TFDP2: variants seen among roughly 807,000 people sequenced by gnomAD.
The protein encoded by TFDP2 is transcription factor Dp-2, also known as transcription factor Dp-2 (E2F dimerization partner 2).
Under a neutral mutation model 59.3 loss-of-function variants are expected in TFDP2, and 17 were observed. That is an observed-to-expected ratio of 0.29 (90% CI 0.20 to 0.43). TFDP2 has a LOEUF of 0.43. TFDP2 is among the 20% of genes least tolerant of loss of function. The pLI is 1.00. For synonymous variants in TFDP2, 180 were observed against 194.7 expected (o/e 0.92, Z 0.63); for missense variants, 391 against 528.8 (o/e 0.74, Z 2.56).
intron 10 of TFDP2, among the ~76,000 whole-genome samples, chr3:141,962,651 C>T (rs1342567524): frequency 1.3e-5 from 2 of 152,226 alleles, no homozygotes; most frequent in Admixed American, 1.3e-4. Context: ...TGAACCACCA[C>T]GCCTGGCTAA....
intron 3 of TFDP2, among the ~76,000 whole-genome samples, chr3:142,007,522 G>T (rs570525423): frequency 1.1e-4 from 17 of 152,344 alleles, no homozygotes; most frequent in Admixed American, 1.1e-3. Flanking sequence ...TTTTTCCACA[G>T]ACAGGGGTGA....
chr3:142,135,502 C>T (rs554997632), intron 1 of TFDP2, among the ~76,000 whole-genome samples: 1 of 151,914 alleles, frequency 6.6e-6, no homozygotes, highest in Non-Finnish European at 1.5e-5. Flanking sequence ...CTTTGCTGCA[C>T]CCATCAACTC....
chr3:142,094,909 T>C (rs1205200872), intron 2 of TFDP2, among the ~76,000 whole-genome samples: 1 of 152,224 alleles, frequency 6.6e-6, no homozygotes, highest in Non-Finnish European at 1.5e-5. Flanking sequence ...TCCAGCAATC[T>C]GAAAAGATTT....
chr3:142,011,389 T>G (rs1209118598), intron 3 of TFDP2, among the ~76,000 whole-genome samples: 1 of 139,590 alleles, frequency 7.2e-6, no homozygotes, highest in Non-Finnish European at 1.5e-5. Flanking sequence ...GAATTGAATA[T>G]TGAGATCACA....
At position 142,101,799 on chromosome 3, in the gene TFDP2, A is replaced by C. The variant is rs1183857057; in HGVS notation, c.-50T>G. ...TCTGTAAAGCCATTAAAAAAATAAAAAGAAAAAAACCTTCGTCTTCAATAA... is the reference window on the plus strand; with the variant it reads ...TCTGTAAAGCCATTAAAAAAATAAACAGAAAAAAACCTTCGTCTTCAATAA... On this transcript the variant is annotated 5_prime_UTR_variant, in exon 2 of 13. Transcript: ENST00000489671. The C allele has an allele frequency of 8.4e-7, 1 of 1,193,300 alleles. No individual in the cohort carries two copies. Among genetic ancestry groups the C allele is most frequent in the African/African-American group, 1.5e-5 (1 of 65,332 alleles). The allele number at this position is 1,193,300 out of a possible 1,614,324, so 73.9% of individuals were successfully genotyped here.
intron 2 of TFDP2, among the ~76,000 whole-genome samples, chr3:142,100,209 A>G (rs2061277812): frequency 6.6e-6 from 1 of 152,198 alleles, no homozygotes. Flanking sequence ...ATCTTTCCTC[A>G]CACACTGTGC....
intron 11 of TFDP2, among the ~76,000 whole-genome samples, chr3:141,956,937 C>T (rs1936752381): frequency 1.5e-5 from 1 of 67,774 alleles, no homozygotes; most frequent in African/African-American, 5.4e-5. Context: ...ACCACCCTGC[C>T]CCACCCCCCC....
chr3:141,969,149 T>G (rs1435952882), intron 9 of TFDP2, among the ~76,000 whole-genome samples: 1 of 88,468 alleles, frequency 1.1e-5, no homozygotes, highest in African/African-American at 5.9e-5. Flanking sequence ...CCCATATATA[T>G]GAGATATATA....
intron 1 of TFDP2, among the ~76,000 whole-genome samples, chr3:142,112,064 TA>T (rs551172528): frequency 0.053 from 7,611 of 142,772 alleles, 581 homozygotes; most frequent in African/African-American, 0.17. Context: ...AGACTCTGTC[TA>T]AAAAAAAAAA....
intron 3 of TFDP2, among the ~76,000 whole-genome samples, chr3:142,072,778 T>C (rs935011236): frequency 1.3e-5 from 2 of 152,188 alleles, no homozygotes; most frequent in African/African-American, 2.4e-5. Context: ...TAAATATCCA[T>C]GAGTCCATAC....
chr3:141,975,484 G>A (rs572010625), intron 7 of TFDP2, among the ~76,000 whole-genome samples: 1 of 152,180 alleles, frequency 6.6e-6, no homozygotes, highest in African/African-American at 2.4e-5. Context: ...CCTGAGGTCA[G>A]GAGTTCAAGA....
At chr3:141,963,248 T>C (rs925545489) in intron 10 of TFDP2, among the ~76,000 whole-genome samples, 1 of 152,138 alleles carries the variant, frequency 6.6e-6, no homozygotes, top group Admixed American at 6.5e-5. Context: ...TACTTCTTAT[T>C]TGCCATAATG....
rs138107808 is a variant in TFDP2, at chr3:142,001,549, C to T, written c.186+3892G>A. ...ACAACACCAAGCTTCCACCCATGCA[C>T]GCTAATCTCCTTATCAAAAGGTGAC... On this transcript the variant is annotated intron_variant, in intron 4 of 12. Coordinates refer to ENST00000489671, the MANE Select transcript of TFDP2 (RefSeq NM_001178139.2). 2.4e-3 allele frequency among the ~76,000 whole-genome samples: 369 copies of T among 152,234 alleles called. 5 individuals carry two copies. Among genetic ancestry groups the T allele is most frequent in the African/African-American group, 8.0e-3 (333 of 41,544 alleles).
intron 3 of TFDP2, among the ~76,000 whole-genome samples, chr3:142,061,889 T>TCTACACAC (rs754972681): frequency 5.1e-4 from 41 of 79,954 alleles, no homozygotes; most frequent in South Asian, 1.8e-3. Context: ...TCTCTCTCTC[T>TCTACACAC]ACACACACAC....
intron 1 of TFDP2, among the ~76,000 whole-genome samples, chr3:142,143,175 G>A (rs2063025999): frequency 6.6e-6 from 1 of 152,154 alleles, no homozygotes; most frequent in Admixed American, 6.5e-5. Flanking sequence ...GGCTGAGGTT[G>A]CAGTGAGCTG....
At chr3:141,960,163 A>G (rs529416628) in intron 10 of TFDP2, among the ~76,000 whole-genome samples, 2 of 152,352 alleles carry the variant, frequency 1.3e-5, no homozygotes, top group South Asian at 2.1e-4. Context: ...GCCACAAAAG[A>G]AAAGCCTTTC....
chr3:142,082,237 C>T (rs76974679), intron 3 of TFDP2, among the ~76,000 whole-genome samples: 4 of 152,170 alleles, frequency 2.6e-5, no homozygotes, highest in Non-Finnish European at 5.9e-5. Flanking sequence ...CACTGACTCC[C>T]GTCACCCCAA....
intron 3 of TFDP2, among the ~76,000 whole-genome samples, chr3:142,085,348 C>T (rs1189860088): frequency 6.8e-6 from 1 of 146,026 alleles, no homozygotes; most frequent in Non-Finnish European, 1.5e-5. Context: ...TAAAGTATGA[C>T]TATATCAAAG....
chr3:141,977,115 TTTTTTTTTTTTTTCC>T (rs1940788538), intron 7 of TFDP2, among the ~76,000 whole-genome samples: 1 of 121,788 alleles, frequency 8.2e-6, no homozygotes, highest in African/African-American at 3.5e-5. Context: ...TATTTTTTTT[TTTTTTTTTTTTTTCC>T]CCCCAAAGAG....
Sources: allele counts gnomAD v4.1 joint callset (sites outside exome capture counted in the v4.1 genomes callset), GRCh38; gene constraint gnomAD v4.1.1; transcripts MANE v1.5; gene names NCBI Gene and HGNC (gene_info 2026-07-23, HGNC 2026-07-21).